The following CSMD1 variants were observed in gnomAD, a reference collection of about 807,000 sequenced individuals.
The protein encoded by CSMD1 is CUB and Sushi multiple domains 1, also known as CUB and sushi domain-containing protein 1.
A neutral mutation model predicts 417.5 loss-of-function variants in CSMD1; 213 were observed. That is an observed-to-expected ratio of 0.51 (90% CI 0.46 to 0.57). The LOEUF is 0.57. Among genes scored for constraint, CSMD1 ranks in the 20% least tolerant of loss-of-function variants. The pLI is 0.00. For synonymous variants in CSMD1, 2,862 were observed against 1,736.8 expected, an observed-to-expected ratio of 1.65 and a Z score of -16.11; for missense variants, 6,923 against 4,529.7, an observed-to-expected ratio of 1.53 and a Z score of -15.17.
At chr8:4,174,066 C>A (rs755116317) in intron 3 of CSMD1, among the ~76,000 whole-genome samples, 76 of 152,244 alleles carry the variant, frequency 5.0e-4, no homozygotes, top group Non-Finnish European at 1.0e-3. Context: ...GGCCACCTGC[C>A]TGCTTATGAT....
At chr8:3,905,538 G>T (rs1292182752) in intron 5 of CSMD1, among the ~76,000 whole-genome samples, 1 of 152,196 alleles carries the variant, frequency 6.6e-6, no homozygotes, top group African/African-American at 2.4e-5. Context: ...CATTCAGCAT[G>T]CATTCCCATC....
At chr8:3,825,751 G>C (rs1203467888) in intron 5 of CSMD1, among the ~76,000 whole-genome samples, 1 of 152,142 alleles carries the variant, frequency 6.6e-6, no homozygotes, top group African/African-American at 2.4e-5. Flanking sequence ...GGCGATTGGG[G>C]CCACATGAAC....
At chr8:3,730,472 G>C (rs1027990056) in intron 6 of CSMD1, among the ~76,000 whole-genome samples, 1 of 148,566 alleles carries the variant, frequency 6.7e-6, no homozygotes, top group Non-Finnish European at 1.5e-5. Context: ...AGGCTCTCAA[G>C]AGATCCATTA....
At chr8:4,464,648 G>A (rs534728289) in intron 2 of CSMD1, among the ~76,000 whole-genome samples, 1 of 152,080 alleles carries the variant, frequency 6.6e-6, no homozygotes, top group Non-Finnish European at 1.5e-5. Context: ...TTGAACCATG[G>A]TAAGTCAGGG....
chr8:3,636,317 A>G lies in CSMD1; in HGVS notation c.1010-19520T>C, dbSNP rs556721492. 3.0e-4 allele frequency among the ~76,000 whole-genome samples: 46 copies of G among 152,288 alleles called. No homozygotes were observed. The South Asian group carries it at 5.0e-3, about 16-fold the overall frequency. On this transcript the variant is annotated intron_variant, in intron 7 of 69. Transcript: ENST00000635120. ...TGAGGCTGTTGTACAGGCCGGGATT[A>G]CAGGCATGCGCCACCACGCCTGGCT...
chr8:4,651,672 A>T (rs1803904181), intron 1 of CSMD1, among the ~76,000 whole-genome samples: 1 of 152,222 alleles, frequency 6.6e-6, no homozygotes, highest in South Asian at 2.1e-4. Context: ...AATTTCTGCC[A>T]GGTATATGAT....
At chr8:4,454,081 C>G (rs1238481367) in intron 2 of CSMD1, among the ~76,000 whole-genome samples, 3 of 152,110 alleles carry the variant, frequency 2.0e-5, no homozygotes, top group Non-Finnish European at 4.4e-5. Flanking sequence ...CTCGGCCTCC[C>G]TAAGTGCTGG....
chr8:4,926,893 G>A (rs944710471), intron 1 of CSMD1, among the ~76,000 whole-genome samples: 4 of 151,926 alleles, frequency 2.6e-5, no homozygotes, highest in African/African-American at 9.7e-5. Context: ...TATATAATGA[G>A]CAAAGGTAAC....
At chr8:3,651,656 C>G (rs1797863636) in intron 7 of CSMD1, among the ~76,000 whole-genome samples, 1 of 152,102 alleles carries the variant, frequency 6.6e-6, no homozygotes, top group Non-Finnish European at 1.5e-5. Flanking sequence ...CACTTAGCAG[C>G]AATAGCGTGC....
At chr8:3,981,152 C>T (rs879420212) in intron 5 of CSMD1, among the ~76,000 whole-genome samples, 1 of 152,174 alleles carries the variant, frequency 6.6e-6, no homozygotes, top group Admixed American at 6.5e-5. Context: ...GTGATAGTTA[C>T]GCTGCATGTA....
intron 1 of CSMD1, among the ~76,000 whole-genome samples, chr8:4,905,553 C>T (rs893350856): frequency 3.3e-5 from 5 of 152,216 alleles, no homozygotes; most frequent in Admixed American, 3.3e-4. Flanking sequence ...GACACAGTGG[C>T]TCACATCTGT....
intron 5 of CSMD1, among the ~76,000 whole-genome samples, chr8:3,769,984 A>C (rs6982382): frequency 6.6e-6 from 1 of 152,222 alleles, no homozygotes; most frequent in Non-Finnish European, 1.5e-5. Context: ...GTGAATTCAT[A>C]CAGTGACCTG....
At chr8:2,974,102 A>G (rs1018905250) in intron 56 of CSMD1, among the ~76,000 whole-genome samples, 6 of 150,932 alleles carry the variant, frequency 4.0e-5, no homozygotes, top group African/African-American at 1.5e-4. Flanking sequence ...GTAGAGGATG[A>G]TGGTAGAGGA....
At chr8:4,160,858 T>C (rs900306270) in intron 3 of CSMD1, among the ~76,000 whole-genome samples, 1 of 152,226 alleles carries the variant, frequency 6.6e-6, no homozygotes, top group African/African-American at 2.4e-5. Flanking sequence ...AATATTTCCT[T>C]AAGGAGAAAT....
intron 17 of CSMD1, among the ~76,000 whole-genome samples, chr8:3,390,931 A>C (rs1163783581): frequency 3.3e-5 from 5 of 152,110 alleles, no homozygotes; most frequent in Admixed American, 3.3e-4. Context: ...GAAAAGTCAC[A>C]GTTGATAAAG....
intron 4 of CSMD1, among the ~76,000 whole-genome samples, chr8:4,006,171 C>T (rs958021249): frequency 2.0e-5 from 3 of 152,182 alleles, no homozygotes; most frequent in African/African-American, 7.2e-5. Context: ...TTCCCCATGA[C>T]ATTTTTGGGT....
At chr8:4,095,858 G>A (rs1455889969) in intron 3 of CSMD1, among the ~76,000 whole-genome samples, 2 of 152,128 alleles carry the variant, frequency 1.3e-5, no homozygotes, top group East Asian at 1.9e-4. Context: ...TTTTTAAAGT[G>A]TTGAAAGCTA....
intron 2 of CSMD1, among the ~76,000 whole-genome samples, chr8:4,558,116 C>G (rs542612969): frequency 8.6e-5 from 13 of 151,268 alleles, no homozygotes; most frequent in Non-Finnish European, 1.9e-4. Flanking sequence ...ATGGCCAAGG[C>G]ACCCAGGACC....
At chr8:3,921,437 T>A (rs921437355) in intron 5 of CSMD1, among the ~76,000 whole-genome samples, 1 of 152,130 alleles carries the variant, frequency 6.6e-6, no homozygotes, top group Non-Finnish European at 1.5e-5. Context: ...TCTATTAACT[T>A]TGAGCTTGGT....
Sources: allele counts gnomAD v4.1 joint callset (sites outside exome capture counted in the v4.1 genomes callset), GRCh38; gene constraint gnomAD v4.1.1; transcripts MANE v1.5; gene names NCBI Gene and HGNC (gene_info 2026-07-23, HGNC 2026-07-21).